PARD3B: variants seen among roughly 807,000 people sequenced by gnomAD.
The protein encoded by PARD3B is par-3 family cell polarity regulator beta, also known as partitioning defective 3 homolog B.
In PARD3B, 103 loss-of-function variants were observed where a neutral mutation model predicts 130.2. The observed-to-expected ratio is 0.79, with a 90% CI of 0.67 to 0.93. PARD3B has a LOEUF of 0.93. Among genes scored for constraint, PARD3B ranks in the 40% least tolerant of loss-of-function variants. The pLI, the probability that PARD3B is intolerant of heterozygous loss-of-function variation, is 0.00. For synonymous variants in PARD3B, 583 were observed against 553.2 expected (o/e 1.05, Z -0.76); for missense variants, 1,609 against 1,499.2 (o/e 1.07, Z -1.21).
intron 22 of PARD3B, among the ~76,000 whole-genome samples, chr2:205,569,256 G>C (rs1369318653): frequency 6.6e-6 from 1 of 151,434 alleles, no homozygotes; most frequent in Admixed American, 6.6e-5. Context: ...TGATTTCCTA[G>C]AGCCCTTCAT....
chr2:204,596,111 A>C (rs1427038939), intron 1 of PARD3B, among the ~76,000 whole-genome samples: 3 of 152,228 alleles, frequency 2.0e-5, no homozygotes, highest in Non-Finnish European at 2.9e-5. Flanking sequence ...ATAAACAATT[A>C]CATTTAGAAT....
chr2:205,302,522 G>A (rs2105909546), intron 18 of PARD3B, among the ~76,000 whole-genome samples: 1 of 152,318 alleles, frequency 6.6e-6, no homozygotes, highest in Admixed American at 6.5e-5. Context: ...TAGAGGCATG[G>A]ACAATGCCTG....
intron 3 of PARD3B, among the ~76,000 whole-genome samples, chr2:204,979,579 A>G (rs1343430768): frequency 6.6e-6 from 1 of 152,218 alleles, no homozygotes; most frequent in Admixed American, 6.5e-5. Context: ...GTCAAAGATA[A>G]GGACAGTGTA....
chr2:204,848,612 C>T (rs1240742981), intron 2 of PARD3B, among the ~76,000 whole-genome samples: 1 of 151,388 alleles, frequency 6.6e-6, no homozygotes, highest in Non-Finnish European at 1.5e-5. Context: ...CCATTGCACA[C>T]TCCAGCCTGG....
intron 18 of PARD3B, among the ~76,000 whole-genome samples, chr2:205,388,743 G>A (rs1166759802): frequency 1.3e-5 from 2 of 152,070 alleles, no homozygotes; most frequent in African/African-American, 4.8e-5. Flanking sequence ...AGGCCCCTCT[G>A]GATAAAGGGG....
intron 20 of PARD3B, among the ~76,000 whole-genome samples, chr2:205,449,166 CAAAAAAAAAA>C (rs757916003): frequency 2.0e-5 from 1 of 50,242 alleles, no homozygotes; most frequent in Non-Finnish European, 4.0e-5. Context: ...AACTCCATCT[CAAAAAAAAAA>C]AAAAAAAAAA....
intron 21 of PARD3B, among the ~76,000 whole-genome samples, chr2:205,505,083 G>C (rs1471735251): frequency 7.9e-5 from 12 of 152,164 alleles, no homozygotes; most frequent in East Asian, 5.8e-4. Context: ...AGTTCATGTC[G>C]TTTGTAGGGA....
chr2:204,633,586 G>A (rs2034765456), intron 1 of PARD3B, among the ~76,000 whole-genome samples: 1 of 152,162 alleles, frequency 6.6e-6, no homozygotes. Flanking sequence ...GGCCGAGGCA[G>A]GTGGATCACC....
chr2:205,212,951 C>T lies in PARD3B; in HGVS notation c.2140+19631C>T, dbSNP rs574925282. ...TAGTTTTTTTGCACAGCAATTCCAT[C>T]GCCATTTTACAGATGGGGCAATCAG... On this transcript the variant is annotated intron_variant, in intron 15 of 22. Coordinates refer to ENST00000406610, the MANE Select transcript of PARD3B (RefSeq NM_001302769.2). Among the ~76,000 whole-genome samples the T allele has an allele frequency of 7.2e-5, 11 of 152,242 alleles. No homozygotes were observed. The South Asian group carries it at 1.0e-3, about 14-fold the overall frequency.
At position 204,906,332 on chromosome 2, in the gene PARD3B, G is replaced by A. The variant is rs2047041324; in HGVS notation, c.223-58820G>A. Among the ~76,000 whole-genome samples the A allele has an allele frequency of 2.6e-5, 4 of 152,092 alleles. No individual in the cohort carries two copies. The highest frequency in any genetic ancestry group is 9.7e-5 in the African/African-American group (4 of 41,406). On this transcript the variant is annotated intron_variant, in intron 2 of 22. Coordinates refer to ENST00000406610, the MANE Select transcript of PARD3B (RefSeq NM_001302769.2). The surrounding 1 kb of genome is among the most constrained non-coding windows in gnomAD (Gnocchi z 4.3). ...TGCTTTGAAATACCATAATAACTCT[G>A]TCATCACATAAACAGTGAAAATTGT...
chr2:204,761,796 C>T (rs1008982449), intron 2 of PARD3B, among the ~76,000 whole-genome samples: 8 of 152,028 alleles, frequency 5.3e-5, no homozygotes, highest in African/African-American at 1.9e-4. Context: ...CCATGTCAAA[C>T]AGTGATTTAT....
At chr2:204,844,858 C>T (rs1299114385) in intron 2 of PARD3B, among the ~76,000 whole-genome samples, 1 of 151,912 alleles carries the variant, frequency 6.6e-6, no homozygotes, top group African/African-American at 2.4e-5. Context: ...TGACTTTCTC[C>T]TTTCATATAT....
At chr2:204,743,084 T>C (rs1005085779) in intron 2 of PARD3B, among the ~76,000 whole-genome samples, 2 of 152,184 alleles carry the variant, frequency 1.3e-5, no homozygotes, top group Admixed American at 1.3e-4. Flanking sequence ...AGTAATTTAG[T>C]TATGATTCAC....
intron 3 of PARD3B, among the ~76,000 whole-genome samples, chr2:205,016,333 A>G (rs938394608): frequency 6.6e-6 from 1 of 152,050 alleles, no homozygotes. Flanking sequence ...CTGTTGGCTC[A>G]TTTTGTGCTC....
At position 205,568,601 on chromosome 2, in the gene PARD3B, G is replaced by A. The variant is rs17639139; in HGVS notation, c.3260+15198G>A. 0.23 allele frequency among the ~76,000 whole-genome samples: 35,696 copies of A among 152,092 alleles called. 4,582 individuals are homozygous for A. The highest frequency in any genetic ancestry group is 0.33 in the East Asian group (1,700 of 5,154). On this transcript the variant is annotated intron_variant, in intron 22 of 22. Transcript: ENST00000406610. The surrounding 1 kb of genome is among the most constrained non-coding windows in gnomAD (Gnocchi z 5.3). ...GCCCATTAATGAACAATGATGGTTT[G>A]AGTGTGTGCTGTGGCTTTACCTAGG...
chr2:205,343,597 A>G (rs1310325102), intron 18 of PARD3B, among the ~76,000 whole-genome samples: 1 of 152,210 alleles, frequency 6.6e-6, no homozygotes, highest in Non-Finnish European at 1.5e-5. Flanking sequence ...CAAGTAACAT[A>G]AGCACTTTCT....
intron 1 of PARD3B, among the ~76,000 whole-genome samples, chr2:204,573,611 A>G (rs1345647189): frequency 6.6e-6 from 1 of 152,188 alleles, no homozygotes; most frequent in Non-Finnish European, 1.5e-5. Context: ...GTAATAAGCG[A>G]CAGATTCTGC....
intron 16 of PARD3B, among the ~76,000 whole-genome samples, chr2:205,254,750 G>A (rs1391345205): frequency 1.3e-5 from 2 of 150,068 alleles, no homozygotes; most frequent in African/African-American, 2.5e-5. Flanking sequence ...TGCAGGCTCC[G>A]CCCCCCGGGG....
At chr2:204,713,784 A>G (rs1426025425) in intron 2 of PARD3B, among the ~76,000 whole-genome samples, 2 of 151,946 alleles carry the variant, frequency 1.3e-5, no homozygotes, top group African/African-American at 2.4e-5. Flanking sequence ...CTATATATAC[A>G]CATTTTGTCT....
Sources: gnomAD v4.1 joint callset for allele counts (sites outside exome capture counted in the v4.1 genomes callset) on GRCh38, gnomAD v4.1.1 for gene constraint, Gnocchi (gnomAD v3.1) non-coding constraint, MANE v1.5 for transcripts, NCBI Gene and HGNC (gene_info 2026-07-23, HGNC 2026-07-21) for gene names.